Variants in SNX18 observed in about 807,000 individuals in gnomAD.
SNX18 encodes sorting nexin 18.
A neutral mutation model predicts 48.7 loss-of-function variants in SNX18; 35 were observed. That is an observed-to-expected ratio of 0.72 (90% CI 0.55 to 0.95). The LOEUF (loss-of-function observed/expected upper bound fraction) is 0.95, where lower values mean the gene tolerates loss of function less well. Ranked by LOEUF, SNX18 falls within the 40% of genes least tolerant of loss-of-function variation. The pLI is 0.00. For synonymous variants in SNX18, 492 were observed against 384.7 expected (o/e 1.28, Z -3.26); for missense variants, 824 against 871.0 (o/e 0.95, Z 0.68).
chr5:54,572,752 G>GTATA, the SNX18 span, among the ~76,000 whole-genome samples: 4 of 39,508 alleles, frequency 1.0e-4, no homozygotes, highest in African/African-American at 1.9e-4. Flanking sequence ...GTGTGTGTGT[G>GTATA]TGTATATATA....
the SNX18 span, among the ~76,000 whole-genome samples, chr5:54,636,388 G>C: frequency 6.6e-6 from 1 of 151,564 alleles, no homozygotes; most frequent in Non-Finnish European, 1.5e-5. Context: ...TATCTCTGGA[G>C]CATTTTGCTA....
chr5:54,629,481 A>G, the SNX18 span, among the ~76,000 whole-genome samples: 1 of 152,212 alleles, frequency 6.6e-6, no homozygotes, highest in Non-Finnish European at 1.5e-5. Flanking sequence ...AGCGTTTAAA[A>G]TGAATCTGAA....
the SNX18 span, among the ~76,000 whole-genome samples, chr5:54,595,675 C>T: frequency 2.0e-5 from 3 of 152,266 alleles, no homozygotes; most frequent in South Asian, 6.2e-4. Context: ...TTAATAATAA[C>T]CATTCCAATG....
the SNX18 span, among the ~76,000 whole-genome samples, chr5:54,568,765 A>G: frequency 6.6e-6 from 1 of 151,756 alleles, no homozygotes; most frequent in East Asian, 1.9e-4. Flanking sequence ...AGAGGCCTCA[A>G]CTACTTTTGC....
chr5:54,563,027 GA>G, the SNX18 span, among the ~76,000 whole-genome samples: 3 of 151,992 alleles, frequency 2.0e-5, no homozygotes, highest in Admixed American at 2.0e-4. Flanking sequence ...AAAGCATATA[GA>G]ATAAGAATAT....
chr5:54,576,486 A>G, the SNX18 span, among the ~76,000 whole-genome samples: 2 of 152,224 alleles, frequency 1.3e-5, no homozygotes, highest in Admixed American at 1.3e-4. Context: ...TGAAGTACAT[A>G]GTTGGGTTGA....
chr5:54,539,337 G>A (rs1393548406), intron 1 of SNX18, among the ~76,000 whole-genome samples: 1 of 152,204 alleles, frequency 6.6e-6, no homozygotes, highest in African/African-American at 2.4e-5. Flanking sequence ...GTAAAACTAG[G>A]AGTAATGTCT....
the SNX18 span, among the ~76,000 whole-genome samples, chr5:54,641,511 C>G: frequency 6.6e-6 from 1 of 152,026 alleles, no homozygotes; most frequent in African/African-American, 2.4e-5. Context: ...GGAGGGAAGG[C>G]TGGGGATCTT....
chr5:54,518,729 C>G lies in SNX18; in HGVS notation c.777C>G (p.Cys259Trp). The stretch of plus-strand genomic sequence containing the variant: ...TCGTGAAGGACGGGGACAAGCTGTG[C>G]GTGGTGCTGGGGCCCTATGGCCCCG... ...SGFVKDGDKL[C>W]VVLGPYGPEW... The change falls in exon 1 of 2, where the codon TGC (cysteine) becomes TGG (tryptophan). Residue 259 changes from cysteine to tryptophan, a missense_variant. Cys to Trp is a radical substitution (Grantham distance 215). This residue lies in a region of SNX18 where 443 missense variants were observed against 503.6 expected (regional missense o/e 0.88). Transcript: ENST00000381410. 1 of 1,602,980 alleles carries G rather than the reference C, an allele frequency of 6.2e-7. No homozygotes were observed. Among genetic ancestry groups the G allele is most frequent in the Middle Eastern group, 1.7e-4 (1 of 5,996 alleles).
At chr5:54,622,501 CAAA>C in the SNX18 span, among the ~76,000 whole-genome samples, 1 of 136,194 alleles carries the variant, frequency 7.3e-6, no homozygotes, top group African/African-American at 2.7e-5. Context: ...GCCACTGTCT[CAAA>C]AAAAAAAAGC....
chr5:54,517,885 C>CG lies in SNX18; in HGVS notation c.-65dup. 6 of 1,416,178 alleles carry CG rather than the reference C, an allele frequency of 4.2e-6. No individual in the cohort carries two copies. Among genetic ancestry groups the CG allele is most frequent in the Non-Finnish European group, 5.5e-6 (6 of 1,092,386 alleles). 87.7% of individuals were successfully genotyped at this position (1,416,178 alleles called of 1,614,324 possible). A position where few individuals can be genotyped will look rare whatever the true frequency, so the allele number is the denominator to read the frequency against. ...GCGCGCCAGGGCTCGAGCAGTACCG[C>CG]GGGCCCCTCAGGTGGGCCTCGGCTC... On this transcript the variant is annotated 5_prime_UTR_variant, in exon 1 of 2. Transcript: ENST00000381410.
At chr5:54,619,775 G>T in the SNX18 span, among the ~76,000 whole-genome samples, 2 of 152,120 alleles carry the variant, frequency 1.3e-5, no homozygotes, top group East Asian at 1.9e-4. Flanking sequence ...TGGGAACTTT[G>T]GTATTTAAAA....
the SNX18 span, among the ~76,000 whole-genome samples, chr5:54,613,546 A>G: frequency 3.3e-5 from 5 of 152,170 alleles, no homozygotes; most frequent in African/African-American, 1.2e-4. Context: ...TGCATTGGGG[A>G]TGTTTCCAAC....
the SNX18 span, among the ~76,000 whole-genome samples, chr5:54,642,729 C>T: frequency 6.6e-6 from 1 of 152,194 alleles, no homozygotes; most frequent in Non-Finnish European, 1.5e-5. Context: ...CTTAGAGCAT[C>T]GGTTGGTTCT....
At chr5:54,639,289 A>T in the SNX18 span, among the ~76,000 whole-genome samples, 3 of 151,590 alleles carry the variant, frequency 2.0e-5, no homozygotes, top group South Asian at 2.1e-4. Flanking sequence ...ATCATGTTTT[A>T]AAAAAAAATT....
the SNX18 span, among the ~76,000 whole-genome samples, chr5:54,583,435 A>C: frequency 6.6e-6 from 1 of 152,150 alleles, no homozygotes; most frequent in African/African-American, 2.4e-5. Context: ...GCTCAGTGTG[A>C]CCCAGGCCTT....
the SNX18 span, among the ~76,000 whole-genome samples, chr5:54,614,891 T>C: frequency 6.6e-6 from 1 of 152,198 alleles, no homozygotes; most frequent in African/African-American, 2.4e-5. Context: ...ACTTAAACTG[T>C]CGTACACACT....
rs749075689 is a variant in SNX18 at position 54,518,714 on chromosome 5, C to A, written c.762C>A (p.Asp254Glu). ...GGGAGGCGTCAGGCTTCGTGAAGGA[C>A]GGGGACAAGCTGTGCGTGGTGCTGG... ...VLGEASGFVKDGDKLCVVLGP... is the reference protein window; with the variant it reads ...VLGEASGFVKEGDKLCVVLGP... Residue 254 changes from aspartate (D) to glutamate (E), a missense_variant, in exon 1 of 2, where the codon GAC becomes GAA. Physicochemically the swap from Asp to Glu is conservative, Grantham distance 45. Coordinates refer to ENST00000381410, the MANE Select transcript of SNX18 (RefSeq NM_001102575.2). 15 of 1,594,308 alleles carry A rather than the reference C, an allele frequency of 9.4e-6. No homozygotes were observed. The highest frequency in any genetic ancestry group is 1.3e-5 in the African/African-American group (1 of 74,376).
chr5:54,551,939 A>G, the SNX18 span, among the ~76,000 whole-genome samples: 1 of 152,300 alleles, frequency 6.6e-6, no homozygotes, highest in East Asian at 1.9e-4. Flanking sequence ...AAAGAAAGAA[A>G]ATAGTGATAT....
Sources: allele counts gnomAD v4.1 joint callset (sites outside exome capture counted in the v4.1 genomes callset), GRCh38; gene constraint gnomAD v4.1.1; regional missense constraint gnomAD v4.1.1; transcripts MANE v1.5; gene names NCBI Gene and HGNC (gene_info 2026-07-23, HGNC 2026-07-21).